KIF11: variants seen among roughly 807,000 people sequenced by gnomAD.
KIF11 encodes the protein kinesin-like protein KIF11.
In KIF11, 9 loss-of-function variants were observed where a neutral mutation model predicts 121.0. The ratio of observed to expected loss-of-function variants is 0.07; its 90% CI spans 0.04 to 0.13. The LOEUF is 0.13. Ranked by LOEUF, KIF11 falls within the 10% of genes least tolerant of loss-of-function variation. The pLI is 1.00. For missense variants in KIF11, 846 were observed against 1,217.5 expected, an observed-to-expected ratio of 0.69 and a Z score of 4.54; for synonymous variants, 408 against 421.0, an observed-to-expected ratio of 0.97 and a Z score of 0.38.
intron 1 of KIF11, chr10:92,597,136 C>T (rs903205811): frequency 3.5e-5 from 10 of 283,610 alleles, no homozygotes; most frequent in Admixed American, 3.4e-4. Context: ...GCCCTTTGTG[C>T]AGTGGGTGGC....
At chr10:92,599,004 T>C (rs2089338382) in intron 1 of KIF11, among the ~76,000 whole-genome samples, 1 of 152,070 alleles carries the variant, frequency 6.6e-6, no homozygotes, top group Non-Finnish European at 1.5e-5. Context: ...TCACGAACTC[T>C]TGACCTCAGG....
In KIF11 at chr10:92,653,909, C is replaced by G; in HGVS notation, c.*113C>G. ...TAAAAGAATATATATATCAGCCGGG[C>G]GCGGTGGCTCATGCCTGTAATCCCA... On this transcript the variant is annotated 3_prime_UTR_variant, in exon 22 of 22. Transcript: ENST00000260731. 1 of 916,034 alleles carries G rather than the reference C, an allele frequency of 1.1e-6. No homozygotes were observed. Among genetic ancestry groups the G allele is most frequent in the South Asian group, 1.9e-5 (1 of 51,770 alleles). 56.7% of individuals were successfully genotyped at this position (916,034 alleles called of 1,614,324 possible).
intron 17 of KIF11, among the ~76,000 whole-genome samples, chr10:92,641,096 G>A (rs1471312877): frequency 1.3e-5 from 2 of 152,024 alleles, no homozygotes; most frequent in East Asian, 1.9e-4. Flanking sequence ...TGCCAGTTCC[G>A]CATACTTAAC....
intron 9 of KIF11, among the ~76,000 whole-genome samples, chr10:92,618,124 T>C (rs1344418792): frequency 6.6e-6 from 1 of 152,222 alleles, no homozygotes; most frequent in Admixed American, 6.5e-5. Context: ...TTTATCTTTT[T>C]TGGTGAAATG....
intron 9 of KIF11, among the ~76,000 whole-genome samples, chr10:92,618,278 GTTT>G (rs3980476): frequency 4.9e-4 from 71 of 145,594 alleles, no homozygotes; most frequent in Admixed American, 1.2e-3. Context: ...TTTCCTTGAT[GTTT>G]TTTTTTTTTT....
rs1452016751 is a variant in KIF11 at position 92,628,909 on chromosome 10, A to G, written c.1305+14A>G. 3 of 1,360,038 alleles carry G rather than the reference A, an allele frequency of 2.2e-6. No individual in the cohort carries two copies. The highest frequency in any genetic ancestry group is 2.3e-5 in the East Asian group (1 of 43,472). 84.2% of individuals were successfully genotyped at this position (1,360,038 alleles called of 1,614,324 possible). A position where few individuals can be genotyped will look rare whatever the true frequency, so the allele number is the denominator to read the frequency against. ...GAGCTGAATAGGGTAAGCACTTAAAATGATATTTACTGTTATGTGAAAAGC... is the reference window on the plus strand; with the variant it reads ...GAGCTGAATAGGGTAAGCACTTAAAGTGATATTTACTGTTATGTGAAAAGC... On this transcript the variant is annotated intron_variant, in intron 11 of 21. Coordinates refer to ENST00000260731, the MANE Select transcript of KIF11 (RefSeq NM_004523.4).
chr10:92,649,913 A>G lies in KIF11; in HGVS notation c.2849A>G (p.Gln950Arg), dbSNP rs757088457. 1 of 1,613,056 alleles carries G rather than the reference A, an allele frequency of 6.2e-7. No individual in the cohort carries two copies. Among genetic ancestry groups the G allele is most frequent in the Non-Finnish European group, 8.5e-7 (1 of 1,179,046 alleles). Reference sequence around the variant, plus strand: ...GAACCACGTGAACATCTCCTTGATCAGCTGAAAAGGAAACAGCCTGAGCTG... The same window carrying G: ...GAACCACGTGAACATCTCCTTGATCGGCTGAAAAGGAAACAGCCTGAGCTG... The part of the protein sequence containing the change: ...RTEPREHLLD[Q>R]LKRKQPELLM... Residue 950 changes from glutamine to arginine, a missense_variant, in exon 20 of 22, where the codon CAG (glutamine) becomes CGG (arginine). Physicochemically the swap from Gln to Arg is conservative, Grantham distance 43. This residue lies in a region of KIF11 where 492 missense variants were observed against 603.4 expected (regional missense o/e 0.82). Transcript: ENST00000260731.
At chr10:92,619,510 C>T (rs1844596000) in intron 9 of KIF11, among the ~76,000 whole-genome samples, 2 of 151,754 alleles carry the variant, frequency 1.3e-5, no homozygotes. Context: ...GGATAATTGC[C>T]CAAGAGTGCA....
intron 10 of KIF11, among the ~76,000 whole-genome samples, chr10:92,627,220 T>TA (rs1156981888): frequency 6.6e-6 from 1 of 152,244 alleles, no homozygotes; most frequent in Non-Finnish European, 1.5e-5. Flanking sequence ...TCTTTGTCAT[T>TA]TAAGCATAAT....
Position 92,632,680 on chromosome 10 carries a change from T to C in KIF11, c.1689T>C (p.His563=). Residue 563 remains histidine, a synonymous_variant, in exon 13 of 22, where the codon CAT becomes CAC. Transcript: ENST00000260731. ...SSKQKAMLEV[H]KTLFGNLLSS... ...AGCAAAAGGCCATGCTAGAAGTACA[T>C]AAGACCTTATTTGGTAAGTTCAGGC... The C allele has an allele frequency of 1.2e-6, 2 of 1,601,876 alleles. No individual in the cohort carries two copies. Among genetic ancestry groups the C allele is most frequent in the Non-Finnish European group, 1.7e-6 (2 of 1,172,700 alleles).
chr10:92,609,301 A>AGTGT (rs1554859636), intron 5 of KIF11, 84 bp from the exon 6 acceptor site: 20 of 601,046 alleles, frequency 3.3e-5, no homozygotes, highest in Admixed American at 5.3e-5. Context: ...AGAGAGAGAG[A>AGTGT]GAGTGTGTGT....
At chr10:92,652,799 A>G (rs986568450) in intron 21 of KIF11, among the ~76,000 whole-genome samples, 1 of 152,220 alleles carries the variant, frequency 6.6e-6, no homozygotes, top group African/African-American at 2.4e-5. Flanking sequence ...AAGTCCCTAC[A>G]GTACCAGAAA....
At chr10:92,646,960 A>G (rs79564318) in intron 18 of KIF11, among the ~76,000 whole-genome samples, 5,156 of 152,338 alleles carry the variant, frequency 0.034, 138 homozygotes, top group Admixed American at 0.06. Context: ...TCTTAATAAA[A>G]TAACCCCTGT....
chr10:92,648,595 T>C (rs1354804879), intron 19 of KIF11, among the ~76,000 whole-genome samples, 161 bp downstream of exon 19: 1 of 152,232 alleles, frequency 6.6e-6, no homozygotes, highest in Non-Finnish European at 1.5e-5. Context: ...CTTAAAATAG[T>C]TTTAATCAAG....
In KIF11 at chr10:92,650,457, A is replaced by G. The variant is rs769486277; in HGVS notation, c.2979A>G (p.Gln993=). 3.2e-5 allele frequency: 52 copies of G among 1,613,832 alleles called. No homozygotes were observed. Among genetic ancestry groups the G allele is most frequent in the Non-Finnish European group, 4.1e-5 (48 of 1,179,840 alleles). Residue 993 remains glutamine, a synonymous_variant, in exon 21 of 22, where the codon CAA becomes CAG. Transcript: ENST00000260731. ...LGQYTEEPLS[Q]EPSVDAGVDC... Reference sequence around the variant, plus strand: ...AGTATACTGAAGAACCTCTAAGTCAAGAGCCATCTGTAGATGCTGGTGTGG... The same window carrying G: ...AGTATACTGAAGAACCTCTAAGTCAGGAGCCATCTGTAGATGCTGGTGTGG...
intron 20 of KIF11, 24 bp from the exon 21 acceptor site, chr10:92,650,377 C>A: frequency 7.3e-7 from 1 of 1,361,374 alleles, no homozygotes; most frequent in Non-Finnish European, 1.1e-6. Context: ...TGGACTTAGT[C>A]ACTCATCCAG....
At chr10:92,605,482 A>T (rs948984605) in intron 1 of KIF11, among the ~76,000 whole-genome samples, 15 of 98,290 alleles carry the variant, frequency 1.5e-4, no homozygotes, top group African/African-American at 4.5e-4. Flanking sequence ...ATTTGATCGG[A>T]TTTTTTTTTT....
chr10:92,632,688 T>C lies in KIF11; in HGVS notation c.1697T>C (p.Leu566Ser). Residue 566 changes from leucine to serine, a missense_variant, in exon 13 of 22, where the codon TTA becomes TCA. Physicochemically the swap from Leu to Ser is moderately radical, Grantham distance 145. This residue lies in a region of KIF11 where 492 missense variants were observed against 603.4 expected (regional missense o/e 0.82). Transcript: ENST00000260731. Reference protein sequence around the residue: ...QKAMLEVHKTLFGNLLSSSVS... With the variant: ...QKAMLEVHKTSFGNLLSSSVS... ...GCCATGCTAGAAGTACATAAGACCTTATTTGGTAAGTTCAGGCTGTTCTGT... is the reference window on the plus strand; with the variant it reads ...GCCATGCTAGAAGTACATAAGACCTCATTTGGTAAGTTCAGGCTGTTCTGT... The C allele has an allele frequency of 6.3e-7, 1 of 1,595,644 alleles. No individual in the cohort carries two copies. The highest frequency in any genetic ancestry group is 8.6e-7 in the Non-Finnish European group (1 of 1,168,756).
intron 9 of KIF11, among the ~76,000 whole-genome samples, chr10:92,619,561 G>T (rs1844596342): frequency 6.6e-6 from 1 of 151,988 alleles, no homozygotes; most frequent in Non-Finnish European, 1.5e-5. Flanking sequence ...ATTATTTTAG[G>T]GAACTGCCTG....
Sources: allele counts gnomAD v4.1 joint callset (sites outside exome capture counted in the v4.1 genomes callset), GRCh38; gene constraint gnomAD v4.1.1; regional missense constraint gnomAD v4.1.1; transcripts MANE v1.5; gene names NCBI Gene and HGNC (gene_info 2026-07-23, HGNC 2026-07-21).